The following ANO2 variants were observed in gnomAD, a reference collection of about 807,000 sequenced individuals.
ANO2 encodes anoctamin 2.
A neutral mutation model predicts 124.2 loss-of-function variants in ANO2; 101 were observed. That is an observed-to-expected ratio of 0.81 (90% CI 0.69 to 0.96). The LOEUF (loss-of-function observed/expected upper bound fraction) is 0.96, where lower values mean the gene tolerates loss of function less well. Ranked by LOEUF, ANO2 falls within the 40% of genes least tolerant of loss-of-function variation. ANO2 has a pLI of 0.00. For missense variants in ANO2, 1,293 were observed against 1,274.5 expected (o/e 1.01, Z -0.22); for synonymous variants, 486 against 482.5 (o/e 1.01, Z -0.09).
At chr12:5,703,755 C>T (rs1021534542) in intron 14 of ANO2, among the ~76,000 whole-genome samples, 5 of 152,090 alleles carry the variant, frequency 3.3e-5, no homozygotes, top group African/African-American at 1.2e-4. Context: ...CCTTATGTTG[C>T]CCAGGCTGGT....
intron 10 of ANO2, among the ~76,000 whole-genome samples, chr12:5,790,272 C>A (rs2137148099): frequency 6.6e-6 from 1 of 152,276 alleles, no homozygotes; most frequent in African/African-American, 2.4e-5. Context: ...TCTTACCTGC[C>A]CAGCTGGGAA....
intron 10 of ANO2, among the ~76,000 whole-genome samples, chr12:5,760,214 T>C (rs966317873): frequency 6.6e-6 from 1 of 152,230 alleles, no homozygotes; most frequent in Non-Finnish European, 1.5e-5. Flanking sequence ...ATTATATTTT[T>C]TATTCCAAGT....
At chr12:5,691,330 A>C (rs1265538974) in intron 14 of ANO2, among the ~76,000 whole-genome samples, 1 of 98,010 alleles carries the variant, frequency 1.0e-5, no homozygotes, top group East Asian at 4.6e-4. Flanking sequence ...TCCATCTCAA[A>C]AAAAAAAAAA....
rs1941525878 is a variant in ANO2 at position 5,563,082 on chromosome 12, G to C, written c.*217C>G. The C allele has an allele frequency of 5.7e-6, 4 of 706,646 alleles. No homozygotes were observed. Among genetic ancestry groups the C allele is most frequent in the Non-Finnish European group, 9.1e-6 (4 of 441,858 alleles). 43.8% of individuals were successfully genotyped at this position (706,646 alleles called of 1,614,324 possible). On this transcript the variant is annotated 3_prime_UTR_variant, in exon 25 of 25. Coordinates refer to ENST00000682330, the MANE Select transcript of ANO2 (RefSeq NM_001364791.2). ...ATGCAGCTTAAAAGGGGACCTAAAA[G>C]AAACTTAAGCTTGAAGTTTCTGAGA...
intron 9 of ANO2, among the ~76,000 whole-genome samples, chr12:5,804,318 A>G (rs1328058125): frequency 6.6e-6 from 1 of 152,230 alleles, no homozygotes; most frequent in Non-Finnish European, 1.5e-5. Flanking sequence ...AGCTGTGTCA[A>G]CATGACCACA....
chr12:5,702,668 T>C (rs1008203213), intron 14 of ANO2, among the ~76,000 whole-genome samples: 2 of 152,116 alleles, frequency 1.3e-5, no homozygotes, highest in Non-Finnish European at 2.9e-5. Flanking sequence ...CCAAGATTCA[T>C]GTGGAAAAGC....
chr12:5,662,259 A>G (rs895436165), intron 14 of ANO2, among the ~76,000 whole-genome samples: 3 of 152,204 alleles, frequency 2.0e-5, no homozygotes, highest in Non-Finnish European at 4.4e-5. Context: ...GCATTTTGTG[A>G]ATTTATTGGG....
At chr12:5,876,797 G>A (rs1938130829) in intron 3 of ANO2, among the ~76,000 whole-genome samples, 1 of 152,160 alleles carries the variant, frequency 6.6e-6, no homozygotes, top group Admixed American at 6.5e-5. Context: ...ATAGACACAG[G>A]GAGGGGAACA....
At chr12:5,680,079 T>G (rs1948425820) in intron 14 of ANO2, among the ~76,000 whole-genome samples, 1 of 152,164 alleles carries the variant, frequency 6.6e-6, no homozygotes, top group Non-Finnish European at 1.5e-5. Context: ...AAGTGGAAGC[T>G]GAATGATGAG....
chr12:5,776,182 T>C (rs1952227712), intron 10 of ANO2, among the ~76,000 whole-genome samples: 1 of 152,212 alleles, frequency 6.6e-6, no homozygotes, highest in Admixed American at 6.5e-5. Flanking sequence ...ACCACTCTTT[T>C]ATCACTGCTA....
chr12:5,565,429 G>T, intron 24 of ANO2, 129 bp downstream of exon 24: 1 of 820,760 alleles, frequency 1.2e-6, no homozygotes. Context: ...ACTTCTGCCT[G>T]CCACACATGA....
chr12:5,578,393 G>A lies in ANO2; in HGVS notation c.2359C>T (p.Pro787Ser). ...ATATCTTTGGTTCTTACAGCATCCG[G>A]CCGTCTCAGCTCTGTAACAAACTTC... ...AKKFVTELRRPDAVRTKDIGI... is the reference protein window; with the variant it reads ...AKKFVTELRRSDAVRTKDIGI... Residue 787 changes from proline (P) to serine (S), a missense_variant, in exon 21 of 25, where the codon CCG (proline) becomes TCG (serine). By Grantham distance (74) the Pro-to-Ser change is moderately conservative. Coordinates refer to ENST00000682330, the MANE Select transcript of ANO2 (RefSeq NM_001364791.2). 2 of 1,613,942 alleles carry A rather than the reference G, an allele frequency of 1.2e-6. No homozygotes were observed. The highest frequency in any genetic ancestry group is 1.7e-6 in the Non-Finnish European group (2 of 1,179,844).
At chr12:5,765,085 C>T (rs748434335) in intron 10 of ANO2, among the ~76,000 whole-genome samples, 33 of 152,068 alleles carry the variant, frequency 2.2e-4, no homozygotes, top group Admixed American at 4.6e-4. Flanking sequence ...GTCTAGAGAC[C>T]TGGAAAAGGA....
At chr12:5,916,567 T>G (rs1475262932) in intron 3 of ANO2, among the ~76,000 whole-genome samples, 1 of 150,818 alleles carries the variant, frequency 6.6e-6, no homozygotes, top group Non-Finnish European at 1.5e-5. Flanking sequence ...TGATAATGTG[T>G]CAGTATTAGT....
chr12:5,767,198 T>C (rs1004580427), intron 10 of ANO2, among the ~76,000 whole-genome samples: 1 of 152,158 alleles, frequency 6.6e-6, no homozygotes, highest in Non-Finnish European at 1.5e-5. Flanking sequence ...AGGAGACGGA[T>C]GAAAGGCAAA....
At chr12:5,832,754 C>T (rs1357257203) in intron 4 of ANO2, 151 bp from the exon 5 acceptor site, 1 of 942,902 alleles carries the variant, frequency 1.1e-6, no homozygotes, top group Non-Finnish European at 1.5e-6. Flanking sequence ...GGGCCTTTCC[C>T]TTTTCCCCAG....
intron 3 of ANO2, among the ~76,000 whole-genome samples, chr12:5,919,346 G>A (rs1941561830): frequency 6.6e-6 from 1 of 151,404 alleles, no homozygotes; most frequent in Non-Finnish European, 1.5e-5. Context: ...AAAGCAGAGA[G>A]GGCAACGGCA....
At chr12:5,790,587 T>C (rs1952668896) in intron 10 of ANO2, among the ~76,000 whole-genome samples, 1 of 152,224 alleles carries the variant, frequency 6.6e-6, no homozygotes, top group South Asian at 2.1e-4. Flanking sequence ...GTCTCATTTT[T>C]GTGTAATCTG....
intron 10 of ANO2, among the ~76,000 whole-genome samples, chr12:5,764,810 C>A (rs761707811): frequency 6.6e-6 from 1 of 152,148 alleles, no homozygotes; most frequent in Admixed American, 6.5e-5. Flanking sequence ...GCACTCTCTC[C>A]ACTCACACAA....
Sources: gnomAD v4.1 joint callset for allele counts (sites outside exome capture counted in the v4.1 genomes callset) on GRCh38, gnomAD v4.1.1 for gene constraint, MANE v1.5 for transcripts, NCBI Gene and HGNC (gene_info 2026-07-23, HGNC 2026-07-21) for gene names.